Variants in GPHN observed in about 807,000 individuals in gnomAD.
The protein encoded by GPHN is gephyrin.
In GPHN, 17 loss-of-function variants were observed where a neutral mutation model predicts 95.5. The ratio of observed to expected loss-of-function variants is 0.18; its 90% CI spans 0.12 to 0.27. The LOEUF is 0.27. Among genes scored for constraint, GPHN ranks in the 10% least tolerant of loss-of-function variants. The probability of loss-of-function intolerance (pLI) is 1.00; values close to 1 mark genes in which losing one functional copy is unlikely to be tolerated. For missense variants in GPHN, 660 were observed against 978.1 expected, an observed-to-expected ratio of 0.67 and a Z score of 4.34; for synonymous variants, 320 against 322.5, an observed-to-expected ratio of 0.99 and a Z score of 0.08.
chr14:67,277,935 C>CT, the GPHN span, among the ~76,000 whole-genome samples: 1 of 151,926 alleles, frequency 6.6e-6, no homozygotes, highest in Non-Finnish European at 1.5e-5. Context: ...TTACTGTGAT[C>CT]TTTTTGCTGT....
At chr14:67,532,907 C>A in the GPHN span, among the ~76,000 whole-genome samples, 4 of 151,664 alleles carry the variant, frequency 2.6e-5, no homozygotes, top group African/African-American at 9.7e-5. Context: ...TATTTGGGGT[C>A]AAGCAGATCC....
rs2058194019 is a variant in GPHN, at chr14:66,747,382, GTTC to G, written c.144-29079_144-29077del. Among the ~76,000 whole-genome samples the G allele has an allele frequency of 2.0e-5, 3 of 152,124 alleles. No homozygotes were observed. In the South Asian group the frequency reaches 6.2e-4, roughly 32 times the overall value. ...TATAAAATAAACATCAGGTATTTTT[GTTC>G]TTATTTGTATCTTTGACATGAGATA... On this transcript the variant is annotated intron_variant, in intron 2 of 22. Coordinates refer to ENST00000478722, the MANE Select transcript of GPHN (RefSeq NM_020806.5).
intron 2 of GPHN, 125 bp downstream of exon 2, chr14:66,681,310 T>C (rs565578929): frequency 1.5e-6 from 1 of 669,838 alleles, no homozygotes; most frequent in Non-Finnish European, 2.7e-6. Flanking sequence ...TAATAATGCG[T>C]TTTACACATA....
intron 9 of GPHN, among the ~76,000 whole-genome samples, chr14:66,987,259 C>T (rs528054998): frequency 1.3e-5 from 2 of 152,078 alleles, no homozygotes; most frequent in South Asian, 4.1e-4. Flanking sequence ...GATTATGACT[C>T]AAATTCAGGT....
At chr14:66,634,622 C>G (rs1456511607) in intron 1 of GPHN, among the ~76,000 whole-genome samples, 1 of 152,158 alleles carries the variant, frequency 6.6e-6, no homozygotes, top group Non-Finnish European at 1.5e-5. Flanking sequence ...CCGGGCTACA[C>G]AGATTCTGGT....
chr14:66,628,016 T>C (rs2063588006), intron 1 of GPHN, among the ~76,000 whole-genome samples: 1 of 152,110 alleles, frequency 6.6e-6, no homozygotes. Flanking sequence ...TTTTGTGCCC[T>C]AAAAAGAGTC....
rs149521426 is a variant in GPHN, at chr14:67,024,239, T to G, written c.1006+564T>G. ...TAACTCTGTATATCATTCATTTTTC[T>G]GTCTTATAAAAAGGAACTATAATAG... On this transcript the variant is annotated intron_variant, in intron 10 of 22. Transcript: ENST00000478722. Among the ~76,000 whole-genome samples, 490 of 152,338 alleles carry G rather than the reference T, an allele frequency of 3.2e-3. 2 individuals are homozygous for G. Among genetic ancestry groups the G allele is most frequent in the African/African-American group, 0.011 (465 of 41,590 alleles).
chr14:67,485,198 C>T, the GPHN span, among the ~76,000 whole-genome samples: 1 of 152,188 alleles, frequency 6.6e-6, no homozygotes, highest in African/African-American at 2.4e-5. Context: ...GCATAAATTG[C>T]TCTGGGGAGA....
At chr14:67,633,597 G>C in the GPHN span, among the ~76,000 whole-genome samples, 1 of 151,952 alleles carries the variant, frequency 6.6e-6, no homozygotes, top group East Asian at 1.9e-4. Context: ...GCTTCCTGTG[G>C]CACTCTGCTT....
intron 10 of GPHN, among the ~76,000 whole-genome samples, chr14:67,040,778 A>G (rs2074660410): frequency 6.6e-6 from 1 of 152,156 alleles, no homozygotes; most frequent in Non-Finnish European, 1.5e-5. Context: ...GGTCAGGAAT[A>G]TCTCAAATGT....
At chr14:67,225,221 A>G in the GPHN span, 4 of 1,530,578 alleles carry the variant, frequency 2.6e-6, no homozygotes, top group Non-Finnish European at 3.5e-6. Flanking sequence ...AAAGTAAAAC[A>G]GAAAAAGACA....
intron 1 of GPHN, among the ~76,000 whole-genome samples, chr14:66,518,701 G>A (rs1361246643): frequency 6.6e-6 from 1 of 151,958 alleles, no homozygotes; most frequent in East Asian, 1.9e-4. Flanking sequence ...TGGAACTGAA[G>A]GACATTATAT....
At chr14:66,521,764 G>A (rs529473561) in intron 1 of GPHN, among the ~76,000 whole-genome samples, 47 of 152,164 alleles carry the variant, frequency 3.1e-4, no homozygotes, top group Admixed American at 1.6e-3. Context: ...CACAGGGTGG[G>A]GTGGGATAGG....
At chr14:66,829,385 G>T (rs1566989640) in intron 4 of GPHN, among the ~76,000 whole-genome samples, 1 of 152,038 alleles carries the variant, frequency 6.6e-6, no homozygotes, top group Non-Finnish European at 1.5e-5. Context: ...ACTGTGCCTG[G>T]CCAGATTTCA....
At chr14:66,658,469 A>G (rs7153345) in intron 1 of GPHN, among the ~76,000 whole-genome samples, 10,843 of 152,216 alleles carry the variant, frequency 0.071, 959 homozygotes, top group African/African-American at 0.2. Flanking sequence ...CATGGTACAG[A>G]GAAGTATTTT....
the GPHN span, among the ~76,000 whole-genome samples, chr14:67,390,987 AAG>A: frequency 6.6e-6 from 1 of 152,118 alleles, no homozygotes; most frequent in East Asian, 1.9e-4. Context: ...AGCAGAGCCA[AAG>A]AGAGTCCATG....
chr14:66,551,418 A>G (rs2059807528), intron 1 of GPHN, among the ~76,000 whole-genome samples: 1 of 152,060 alleles, frequency 6.6e-6, no homozygotes, highest in African/African-American at 2.4e-5. Context: ...TTTGTAGTTC[A>G]TCCCTGGTCC....
the GPHN span, chr14:67,199,193 G>A: frequency 5.6e-6 from 9 of 1,606,476 alleles, no homozygotes; most frequent in South Asian, 9.9e-5. Flanking sequence ...ACACCCACAT[G>A]CCAAAGGATA....
At position 66,529,531 on chromosome 14, in the gene GPHN, G is replaced by T. The variant is rs576466221; in HGVS notation, c.64+20940G>T. Reference sequence around the variant, plus strand: ...GCTGGCGAGGAGTTGTGATCCTTTGGAGGAGAAGAGACGTTCTGGTTTTTG... The same window carrying T: ...GCTGGCGAGGAGTTGTGATCCTTTGTAGGAGAAGAGACGTTCTGGTTTTTG... On this transcript the variant is annotated intron_variant, in intron 1 of 22. Transcript: ENST00000478722. Among the ~76,000 whole-genome samples, 4 of 152,198 alleles carry T rather than the reference G, an allele frequency of 2.6e-5. No individual in the cohort carries two copies. In the East Asian group the frequency reaches 7.7e-4, roughly 29 times the overall value.
Sources: allele counts gnomAD v4.1 joint callset (sites outside exome capture counted in the v4.1 genomes callset), GRCh38; gene constraint gnomAD v4.1.1; transcripts MANE v1.5; gene names NCBI Gene and HGNC (gene_info 2026-07-23, HGNC 2026-07-21).